Variants in MAML2 observed in about 807,000 individuals in gnomAD.
The protein encoded by MAML2 is mastermind like transcriptional coactivator 2.
MAML2 carries 22 observed loss-of-function variants against 96.1 expected under a neutral mutation model. The ratio of observed to expected loss-of-function variants is 0.23; its 90% CI spans 0.16 to 0.33. The LOEUF is 0.33. Among genes scored for constraint, MAML2 ranks in the 10% least tolerant of loss-of-function variants. MAML2 has a pLI of 1.00. For missense variants in MAML2, 1,367 were observed against 1,392.4 expected (o/e 0.98, Z 0.29); for synonymous variants, 561 against 521.3 (o/e 1.08, Z -1.04).
intron 2 of MAML2, among the ~76,000 whole-genome samples, chr11:96,087,130 T>A (rs1025233957): frequency 2.0e-5 from 3 of 152,350 alleles, no homozygotes; most frequent in Middle Eastern, 6.8e-3. Context: ...CGGTTGATTA[T>A]AGCTACCATT....
chr11:96,176,401 C>A (rs961284646), intron 1 of MAML2, among the ~76,000 whole-genome samples: 82 of 152,218 alleles, frequency 5.4e-4, no homozygotes, highest in African/African-American at 2.0e-3. Context: ...ACACTTAATC[C>A]TAAAATGATT....
chr11:95,999,599 A>G (rs1177573059), intron 2 of MAML2, among the ~76,000 whole-genome samples: 1 of 152,020 alleles, frequency 6.6e-6, no homozygotes, highest in African/African-American at 2.4e-5. Flanking sequence ...AAGCTCTACA[A>G]AATATTTGTC....
intron 2 of MAML2, among the ~76,000 whole-genome samples, chr11:96,058,176 G>A (rs977745583): frequency 6.6e-5 from 10 of 152,248 alleles, no homozygotes; most frequent in Non-Finnish European, 1.2e-4. Flanking sequence ...ATAATGTAGA[G>A]AGGGCTGGGG....
Position 96,324,170 on chromosome 11 carries a change from C to A in MAML2, c.513+17213G>T, listed in dbSNP as rs528532884. Among the ~76,000 whole-genome samples, 5 of 152,274 alleles carry A rather than the reference C, an allele frequency of 3.3e-5. No homozygotes were observed. In the South Asian group the frequency reaches 1.0e-3, roughly 32 times the overall value. ...CGAGGTGCGAAGTCATGATTAGAAA[C>A]CTTGGCCCTGGCATCATCCTGCTGT... On this transcript the variant is annotated intron_variant, in intron 1 of 4. Transcript: ENST00000524717.
chr11:96,309,670 G>A (rs1863510459), intron 1 of MAML2, among the ~76,000 whole-genome samples: 1 of 150,818 alleles, frequency 6.6e-6, no homozygotes, highest in Non-Finnish European at 1.5e-5. Flanking sequence ...ATTGACTACT[G>A]TGATATTCCA....
chr11:96,001,528 T>A (rs1232658359), intron 2 of MAML2, among the ~76,000 whole-genome samples: 1 of 152,022 alleles, frequency 6.6e-6, no homozygotes, highest in Non-Finnish European at 1.5e-5. Context: ...TCTCCTCCCA[T>A]CCCCCAAACA....
At chr11:96,167,491 C>G (rs943278358) in intron 1 of MAML2, among the ~76,000 whole-genome samples, 1 of 152,192 alleles carries the variant, frequency 6.6e-6, no homozygotes, top group African/African-American at 2.4e-5. Flanking sequence ...TAAATTCTTT[C>G]GCACAGAGCA....
chr11:96,153,078 T>C (rs1358467253), intron 1 of MAML2, among the ~76,000 whole-genome samples: 1 of 152,138 alleles, frequency 6.6e-6, no homozygotes, highest in Non-Finnish European at 1.5e-5. Context: ...GCTTTGGAAA[T>C]CTTCTTTTTT....
At chr11:96,007,091 C>G (rs899159601) in intron 2 of MAML2, among the ~76,000 whole-genome samples, 2 of 151,860 alleles carry the variant, frequency 1.3e-5, no homozygotes, top group Non-Finnish European at 2.9e-5. Context: ...CAACCTCCCC[C>G]TCTTGAGTTC....
intron 2 of MAML2, among the ~76,000 whole-genome samples, chr11:96,044,363 G>A (rs1177571484): frequency 6.6e-6 from 1 of 152,142 alleles, no homozygotes; most frequent in Non-Finnish European, 1.5e-5. Flanking sequence ...TGGTGGTAAA[G>A]GTTCTCTGCT....
chr11:96,293,865 G>A (rs1051215318), intron 1 of MAML2, among the ~76,000 whole-genome samples: 4 of 152,194 alleles, frequency 2.6e-5, no homozygotes, highest in East Asian at 3.8e-4. Context: ...ACTCTAGAAA[G>A]AGCCAGCGAA....
chr11:96,174,333 T>C (rs1861349181), intron 1 of MAML2, among the ~76,000 whole-genome samples: 1 of 152,194 alleles, frequency 6.6e-6, no homozygotes, highest in Non-Finnish European at 1.5e-5. Flanking sequence ...TCTATGGTGA[T>C]TTCCCTCATC....
intron 1 of MAML2, among the ~76,000 whole-genome samples, chr11:96,156,254 C>G (rs1342254731): frequency 6.6e-6 from 1 of 152,220 alleles, no homozygotes; most frequent in Non-Finnish European, 1.5e-5. Context: ...ATGGCTCATG[C>G]TGGCCCTGTG....
intron 2 of MAML2, among the ~76,000 whole-genome samples, chr11:96,059,215 G>A (rs1859116631): frequency 6.6e-6 from 1 of 152,184 alleles, no homozygotes; most frequent in Non-Finnish European, 1.5e-5. Flanking sequence ...ATATTTACAT[G>A]CATAAGATGG....
chr11:96,141,951 G>C lies in MAML2; in HGVS notation c.514-48434C>G, dbSNP rs572496513. On this transcript the variant is annotated intron_variant, in intron 1 of 4. Transcript: ENST00000524717. The stretch of plus-strand genomic sequence containing the variant: ...TGAGAGAAAACTAGCCAAGGCGTTG[G>C]GGCGATCAAAAAAGCTAGCCTGAGA... 2.0e-5 allele frequency among the ~76,000 whole-genome samples: 3 copies of C among 152,182 alleles called. No individual in the cohort carries two copies. The East Asian group carries it at 5.8e-4, about 29-fold the overall frequency.
At chr11:96,311,577 C>T (rs1478795111) in intron 1 of MAML2, among the ~76,000 whole-genome samples, 1 of 152,176 alleles carries the variant, frequency 6.6e-6, no homozygotes, top group Admixed American at 6.5e-5. Context: ...AGCAAAGACA[C>T]CTCTTCTTGA....
At chr11:96,142,423 A>G (rs1036916783) in intron 1 of MAML2, among the ~76,000 whole-genome samples, 5 of 152,174 alleles carry the variant, frequency 3.3e-5, no homozygotes, top group Non-Finnish European at 7.3e-5. Flanking sequence ...CTGGAAAAAT[A>G]CCCACCACTT....
intron 1 of MAML2, among the ~76,000 whole-genome samples, chr11:96,147,237 T>C (rs1402985516): frequency 2.0e-5 from 3 of 152,250 alleles, no homozygotes; most frequent in Non-Finnish European, 4.4e-5. Context: ...ATGTGGACTA[T>C]AATCTCCCAG....
At chr11:96,006,109 C>A (rs1451734256) in intron 2 of MAML2, among the ~76,000 whole-genome samples, 1 of 152,128 alleles carries the variant, frequency 6.6e-6, no homozygotes. Context: ...AAGGAGCCAT[C>A]TGTTCTCTGT....
Sources: allele counts gnomAD v4.1 joint callset (sites outside exome capture counted in the v4.1 genomes callset), GRCh38; gene constraint gnomAD v4.1.1; transcripts MANE v1.5; gene names NCBI Gene and HGNC (gene_info 2026-07-23, HGNC 2026-07-21).